TAF5: variants seen among roughly 807,000 people sequenced by gnomAD.
TAF5 encodes TATA-box binding protein associated factor 5.
Under a neutral mutation model 80.9 loss-of-function variants are expected in TAF5, and 20 were observed. That is an observed-to-expected ratio of 0.25 (90% CI 0.17 to 0.36). The LOEUF (loss-of-function observed/expected upper bound fraction) is 0.36, where lower values mean the gene tolerates loss of function less well. Among genes scored for constraint, TAF5 ranks in the 10% least tolerant of loss-of-function variants. The pLI is 1.00. For synonymous variants in TAF5, 388 were observed against 406.4 expected (o/e 0.95, Z 0.55); for missense variants, 863 against 1,029.4 (o/e 0.84, Z 2.21).
In TAF5 at chr10:103,368,038, CCTGAGG is replaced by C. The variant is rs2093349026; in HGVS notation, c.50_55del (p.Pro17_Gly19delinsArg). The C allele has an allele frequency of 6.9e-7, 1 of 1,453,914 alleles. No individual in the cohort carries two copies. The allele number at this position is 1,453,914 out of a possible 1,614,324, so 90.1% of individuals were successfully genotyped here. On this transcript the variant is annotated inframe_deletion, in exon 1 of 11. Coordinates refer to ENST00000369839, the MANE Select transcript of TAF5 (RefSeq NM_006951.5). The stretch of plus-strand genomic sequence containing the variant: ...GACGGAGGTGGCGGTCAAGCTAGAG[CCTGAGG>C]GACCGCCAACGCTGCTACCTCCGCA...
chr10:103,375,119 CA>C (rs914374305), intron 2 of TAF5, among the ~76,000 whole-genome samples: 279 of 80,642 alleles, frequency 3.5e-3, no homozygotes, highest in African/African-American at 0.012. Flanking sequence ...GACCCTGTCT[CA>C]AAAAAAAAAA....
chr10:103,387,110 A>C, intron 8 of TAF5, 65 bp from the exon 9 acceptor site: 1 of 1,475,886 alleles, frequency 6.8e-7, no homozygotes, highest in South Asian at 1.3e-5. Flanking sequence ...TATTTTGTAT[A>C]GATTTTTGGC....
chr10:103,369,657 C>G (rs986204186), intron 1 of TAF5, among the ~76,000 whole-genome samples: 1 of 152,096 alleles, frequency 6.6e-6, no homozygotes, highest in Admixed American at 6.6e-5. Flanking sequence ...GCCACCGCAC[C>G]CGGCTGAAAT....
chr10:103,387,127 C>A, intron 8 of TAF5, 48 bp from the exon 9 acceptor site: 1 of 1,548,090 alleles, frequency 6.5e-7, no homozygotes, highest in Non-Finnish European at 8.8e-7. Context: ...TGGCGTTTCA[C>A]AGCTATCTAC....
chr10:103,369,012 T>C (rs200830611), intron 1 of TAF5, among the ~76,000 whole-genome samples: 1 of 150,878 alleles, frequency 6.6e-6, no homozygotes, highest in East Asian at 1.9e-4. Flanking sequence ...GGAAACTTGC[T>C]CTGTTGCCCA....
In TAF5 at chr10:103,379,610, A is replaced by AT. The variant is rs1467943977; in HGVS notation, c.1122dup (p.Gly375TrpfsTer9). The AT allele has an allele frequency of 6.3e-7, 1 of 1,576,706 alleles. No individual in the cohort carries two copies. The highest frequency in any genetic ancestry group is 1.2e-5 in the South Asian group (1 of 83,338). On this transcript the variant is annotated frameshift_variant, in exon 4 of 11. Transcript: ENST00000369839. LOFTEE classifies it high-confidence loss of function. ...ATGTTGGCTCTTTTGACTTGTAGGTATTTTTTGGTTTATTAAAAGAACCAG... is the reference window on the plus strand; with the variant it reads ...ATGTTGGCTCTTTTGACTTGTAGGTATTTTTTTGGTTTATTAAAAGAACCAG...
At position 103,368,205 on chromosome 10, in the gene TAF5, C is replaced by T; in HGVS notation, c.216C>T (p.Ala72=). The change falls in exon 1 of 11, where the codon GCC becomes GCT. Residue 72 remains alanine, a synonymous_variant. Coordinates refer to ENST00000369839, the MANE Select transcript of TAF5 (RefSeq NM_006951.5). ...GTPKPTVAVS[A]AAPAGAAPVP... ...CCAAGCCCACGGTGGCTGTCTCCGCCGCTGCCCCGGCGGGGGCGGCCCCGG... is the reference window on the plus strand; with the variant it reads ...CCAAGCCCACGGTGGCTGTCTCCGCTGCTGCCCCGGCGGGGGCGGCCCCGG... The T allele has an allele frequency of 1.4e-6, 2 of 1,407,864 alleles. No individual in the cohort carries two copies. The highest frequency in any genetic ancestry group is 1.5e-5 in the South Asian group (1 of 66,792). 87.2% of individuals were successfully genotyped at this position (1,407,864 alleles called of 1,614,324 possible). A position where few individuals can be genotyped will look rare whatever the true frequency, so the allele number is the denominator to read the frequency against.
rs560622221 is a variant in TAF5 at position 103,388,211 on chromosome 10, T to C, written c.2391T>C (p.Tyr797=). The change falls in exon 11 of 11, where the codon TAT becomes TAC. Residue 797 remains tyrosine (Y), a synonymous_variant. Transcript: ENST00000369839. ...RRNLVLAAGA[Y]SPQ ...ACCTGGTTCTAGCTGCAGGAGCTTA[T>C]AGTCCACAATAAACCATCGGTATTA... 1.1e-5 allele frequency: 17 copies of C among 1,613,382 alleles called. No homozygotes were observed. The South Asian group carries it at 1.8e-4, about 17-fold the overall frequency.
At position 103,368,264 on chromosome 10, in the gene TAF5, A is replaced by T. The variant is rs372738081; in HGVS notation, c.275A>T (p.His92Leu). The T allele has an allele frequency of 1.3e-6, 2 of 1,543,784 alleles. No individual in the cohort carries two copies. Among genetic ancestry groups the T allele is most frequent in the African/African-American group, 2.8e-5 (2 of 70,850 alleles). ...GCTGCTCCGGACGCCGGCGCTCCGC[A>T]TGACCGACAGACTCTACTGGCCGTG... ...PAAAPDAGAP[H>L]DRQTLLAVLQ... Residue 92 changes from histidine to leucine, a missense_variant, in exon 1 of 11, where the codon CAT (histidine) becomes CTT (leucine). Physicochemically the swap from His to Leu is moderately conservative, Grantham distance 99. Around this residue, in one of 3 missense-constraint regions of TAF5, gnomAD observed 367 missense variants for 335.5 expected, o/e 1.09. Coordinates refer to ENST00000369839, the MANE Select transcript of TAF5 (RefSeq NM_006951.5).
chr10:103,378,319 T>C lies in TAF5; in HGVS notation c.882T>C (p.Asn294=). The part of the protein sequence containing the change: ...SLTKKEHMKG[N]ETMLDFRTSK... ...CCAAAAAGGAACACATGAAAGGGAATGAGACCATGTTGGATTTTCGAACAA... is the reference window on the plus strand; with the variant it reads ...CCAAAAAGGAACACATGAAAGGGAACGAGACCATGTTGGATTTTCGAACAA... The change falls in exon 3 of 11, where the codon AAT becomes AAC. Residue 294 remains asparagine (N), a synonymous_variant. Transcript: ENST00000369839. This position sits in a 1 kb window ranked among gnomAD's most constrained non-coding sequence, Gnocchi z 4.1. The C allele has an allele frequency of 6.2e-7, 1 of 1,614,108 alleles. No homozygotes were observed. The highest frequency in any genetic ancestry group is 8.5e-7 in the Non-Finnish European group (1 of 1,179,956).
intron 8 of TAF5, among the ~76,000 whole-genome samples, chr10:103,385,782 G>A (rs527778787): frequency 1.6e-4 from 24 of 151,580 alleles, no homozygotes; most frequent in Admixed American, 6.6e-4. Context: ...AAAATTAGCC[G>A]GGCGTGGTGG....
intron 1 of TAF5, among the ~76,000 whole-genome samples, chr10:103,372,901 GAAAA>G (rs1262710385): frequency 7.5e-6 from 1 of 133,380 alleles, no homozygotes; most frequent in Non-Finnish European, 1.6e-5. Flanking sequence ...ATCTTAAAAA[GAAAA>G]AAAAAAAAGA....
chr10:103,378,620 T>A lies in TAF5; in HGVS notation c.1113+70T>A. ...ATTGTAGCATTTCCATCTACATAAG[T>A]TACACATTTTTCTTATAGCTAGCTT... On this transcript the variant is annotated intron_variant, in intron 3 of 10. Coordinates refer to ENST00000369839, the MANE Select transcript of TAF5 (RefSeq NM_006951.5). The surrounding 1 kb of genome is among the most constrained non-coding windows in gnomAD (Gnocchi z 4.1). 1 of 1,467,022 alleles carries A rather than the reference T, an allele frequency of 6.8e-7. No individual in the cohort carries two copies. The highest frequency in any genetic ancestry group is 9.1e-7 in the Non-Finnish European group (1 of 1,097,778). 90.9% of individuals were successfully genotyped at this position (1,467,022 alleles called of 1,614,324 possible). A position where few individuals can be genotyped will look rare whatever the true frequency, so the allele number is the denominator to read the frequency against.
chr10:103,382,084 T>TA (rs1398676925), intron 6 of TAF5, among the ~76,000 whole-genome samples: 1 of 152,326 alleles, frequency 6.6e-6, no homozygotes, highest in South Asian at 2.1e-4. Flanking sequence ...CTAAAAAACT[T>TA]AAAGTTAAAA....
Position 103,378,210 on chromosome 10 carries a change from T to C in TAF5, c.798-25T>C, listed in dbSNP as rs1464691276. On this transcript the variant is annotated intron_variant, in intron 2 of 10. Coordinates refer to ENST00000369839, the MANE Select transcript of TAF5 (RefSeq NM_006951.5). The surrounding 1 kb of genome is among the most constrained non-coding windows in gnomAD (Gnocchi z 4.1). The stretch of plus-strand genomic sequence containing the variant: ...ATCCCTTAATGATTACATTGAAAAA[T>C]GACTTTTTAAAATCACTGAAACAGG... 22 of 1,593,916 alleles carry C rather than the reference T, an allele frequency of 1.4e-5. No homozygotes were observed. Among genetic ancestry groups the C allele is most frequent in the Non-Finnish European group, 1.9e-5 (22 of 1,168,324 alleles).
In TAF5 at chr10:103,378,338, C is replaced by T. The variant is rs767666893; in HGVS notation, c.901C>T (p.Arg301Ter). The T allele has an allele frequency of 2.5e-6, 4 of 1,614,116 alleles. No individual in the cohort carries two copies. Among genetic ancestry groups the T allele is most frequent in the Non-Finnish European group, 2.5e-6 (3 of 1,180,016 alleles). ...MKGNETMLDFRTSKFVLRISR... is the reference protein window; with the variant it reads ...MKGNETMLDF Reference sequence around the variant, plus strand: ...AGGGAATGAGACCATGTTGGATTTTCGAACAAGTAAATTTGTTCTGCGTAT... The same window carrying T: ...AGGGAATGAGACCATGTTGGATTTTTGAACAAGTAAATTTGTTCTGCGTAT... Residue 301 changes from arginine (R) to a stop codon, truncating the protein, a stop_gained, in exon 3 of 11, where the codon CGA becomes TGA. Transcript: ENST00000369839. LOFTEE classifies it high-confidence loss of function. The surrounding 1 kb of genome is among the most constrained non-coding windows in gnomAD (Gnocchi z 4.1).
At chr10:103,368,627 C>T (rs2093351533) in intron 1 of TAF5, 79 bp downstream of exon 1, 1 of 1,394,272 alleles carries the variant, frequency 7.2e-7, no homozygotes, top group Non-Finnish European at 9.3e-7. Context: ...CAGGCCTGCA[C>T]CTCTGCGGGC....
At chr10:103,373,300 C>G in intron 1 of TAF5, 58 bp from the exon 2 acceptor site, 1 of 1,411,894 alleles carries the variant, frequency 7.1e-7, no homozygotes, top group South Asian at 1.3e-5. Context: ...AACAATACAG[C>G]CATAGTCACA....
At chr10:103,387,857 T>C (rs994957358) in intron 10 of TAF5, 149 bp from the exon 11 acceptor site, 1 of 1,066,064 alleles carries the variant, frequency 9.4e-7, no homozygotes, top group Non-Finnish European at 1.4e-6. Context: ...AAAGTACTGC[T>C]TGATAATGCT....
Sources: gnomAD v4.1 joint callset for allele counts (sites outside exome capture counted in the v4.1 genomes callset) on GRCh38, gnomAD v4.1.1 for gene constraint, gnomAD v4.1.1 regional missense constraint, Gnocchi (gnomAD v3.1) non-coding constraint, MANE v1.5 for transcripts, NCBI Gene and HGNC (gene_info 2026-07-23, HGNC 2026-07-21) for gene names.